Variants in AP3B1 observed in about 807,000 individuals in gnomAD.
The protein encoded by AP3B1 is adaptor related protein complex 3 subunit beta 1.
In AP3B1, 61 loss-of-function variants were observed where a neutral mutation model predicts 132.5. The observed-to-expected ratio is 0.46, with a 90% confidence interval of 0.37 to 0.57. AP3B1 has a LOEUF of 0.57. Among genes scored for constraint, AP3B1 ranks in the 20% least tolerant of loss-of-function variants. AP3B1 has a pLI of 0.00. For synonymous variants in AP3B1, 388 were observed against 438.3 expected (o/e 0.89, Z 1.43); for missense variants, 1,120 against 1,289.4 (o/e 0.87, Z 2.01).
chr5:78,110,087 T>A (rs897103497), intron 20 of AP3B1, 120 bp downstream of exon 20: 2 of 896,546 alleles, frequency 2.2e-6, no homozygotes, highest in Non-Finnish European at 3.4e-6. Flanking sequence ...AGAGTTGGGT[T>A]ATAAGGGAAA....
chr5:78,275,872 T>G (rs1748752353), intron 1 of AP3B1, among the ~76,000 whole-genome samples: 1 of 152,130 alleles, frequency 6.6e-6, no homozygotes, highest in Admixed American at 6.5e-5. Context: ...TTAAACAACT[T>G]AAACTTACAA....
chr5:78,171,457 T>C (rs1743910915), intron 11 of AP3B1, among the ~76,000 whole-genome samples: 1 of 152,172 alleles, frequency 6.6e-6, no homozygotes, highest in Non-Finnish European at 1.5e-5. Flanking sequence ...TTACATCCCT[T>C]GTAAGTTGGA....
chr5:78,279,952 C>A (rs1748980637), intron 1 of AP3B1, among the ~76,000 whole-genome samples: 1 of 128,812 alleles, frequency 7.8e-6, no homozygotes, highest in South Asian at 2.5e-4. Flanking sequence ...GTGGTGTACA[C>A]CTGTGGGCCC....
chr5:78,128,232 G>T, intron 16 of AP3B1, 72 bp from the exon 17 acceptor site: 2 of 1,353,342 alleles, frequency 1.5e-6, no homozygotes, highest in East Asian at 2.6e-5. Context: ...CATAATCAGA[G>T]CTCAAGGTAA....
At chr5:78,234,456 T>A (rs184403310) in intron 3 of AP3B1, among the ~76,000 whole-genome samples, 45 of 152,324 alleles carry the variant, frequency 3.0e-4, no homozygotes, top group African/African-American at 1.1e-3. Context: ...TGAGGATAGA[T>A]GACTTTTTCC....
chr5:78,245,972 G>C (rs987241930), intron 2 of AP3B1, among the ~76,000 whole-genome samples: 1 of 152,186 alleles, frequency 6.6e-6, no homozygotes, highest in Non-Finnish European at 1.5e-5. Context: ...AAAAGTGAGA[G>C]TCATGTTTAG....
chr5:78,060,610 A>G (rs1237501202), intron 22 of AP3B1, among the ~76,000 whole-genome samples: 1 of 152,164 alleles, frequency 6.6e-6, no homozygotes, highest in African/African-American at 2.4e-5. Context: ...CTCATACGCT[A>G]CTGAACTCTT....
intron 3 of AP3B1, among the ~76,000 whole-genome samples, chr5:78,229,511 T>C (rs936685426): frequency 1.3e-5 from 2 of 151,330 alleles, no homozygotes; most frequent in Non-Finnish European, 2.9e-5. Flanking sequence ...GGCAGGCAGA[T>C]TGCCTGAGTT....
At chr5:78,029,626 C>G (rs539467531) in intron 24 of AP3B1, among the ~76,000 whole-genome samples, 29 of 152,274 alleles carry the variant, frequency 1.9e-4, no homozygotes, top group African/African-American at 6.3e-4. Context: ...TCCTCTTCCT[C>G]TTGGTTAAAC....
intron 22 of AP3B1, among the ~76,000 whole-genome samples, chr5:78,040,926 A>G (rs1467161870): frequency 6.6e-6 from 1 of 152,194 alleles, no homozygotes; most frequent in Non-Finnish European, 1.5e-5. Flanking sequence ...AGCATCATCA[A>G]AACATAGTAT....
chr5:78,060,824 A>G (rs1749017875), intron 22 of AP3B1, among the ~76,000 whole-genome samples: 1 of 152,198 alleles, frequency 6.6e-6, no homozygotes, highest in Non-Finnish European at 1.5e-5. Context: ...GTTTTACTAG[A>G]AAGCAAAAGA....
At chr5:78,192,545 G>A (rs1259981584) in intron 7 of AP3B1, among the ~76,000 whole-genome samples, 1 of 152,156 alleles carries the variant, frequency 6.6e-6, no homozygotes, top group Non-Finnish European at 1.5e-5. Flanking sequence ...CAGAGGCTGA[G>A]GTAGAAGAAT....
rs201552197 is a variant in AP3B1 at position 78,195,082 on chromosome 5, A to T, written c.787-13420T>A. The stretch of plus-strand genomic sequence containing the variant: ...ACCAAACCAAAAAAAAAAAAAATTT[A>T]AAAAAATGGGGACCAATTTATACTG... On this transcript the variant is annotated intron_variant, in intron 7 of 26. Coordinates refer to ENST00000255194, the MANE Select transcript of AP3B1 (RefSeq NM_003664.5). Among the ~76,000 whole-genome samples, 14 of 151,742 alleles carry T rather than the reference A, an allele frequency of 9.2e-5. No homozygotes were observed. The South Asian group carries it at 1.0e-3, about 11-fold the overall frequency.
intron 11 of AP3B1, among the ~76,000 whole-genome samples, chr5:78,168,013 G>GAAAAAA (rs149936824): frequency 6.3e-5 from 7 of 110,784 alleles, no homozygotes; most frequent in Admixed American, 9.0e-5. Context: ...AAAACCTACT[G>GAAAAAA]AAAAAAAAAA....
At position 78,114,149 on chromosome 5, in the gene AP3B1, G is replaced by A. The variant is rs79343357; in HGVS notation, c.2078-226C>T. On this transcript the variant is annotated intron_variant, in intron 18 of 26. Coordinates refer to ENST00000255194, the MANE Select transcript of AP3B1 (RefSeq NM_003664.5). ...AGACAGAGGATGCTCTGACAACGAG[G>A]AGAGAAAAGCTAAGCAAAGGTGAAC... 1.2e-3 allele frequency among the ~76,000 whole-genome samples: 179 copies of A among 152,290 alleles called. 1 individual carries two copies. Among genetic ancestry groups the A allele is most frequent in the African/African-American group, 4.1e-3 (171 of 41,550 alleles).
At chr5:78,097,775 G>T (rs1378623215) in intron 21 of AP3B1, among the ~76,000 whole-genome samples, 1 of 152,144 alleles carries the variant, frequency 6.6e-6, no homozygotes, top group Non-Finnish European at 1.5e-5. Context: ...CGTCTGGGAG[G>T]TGTGCCCAAC....
intron 23 of AP3B1, among the ~76,000 whole-genome samples, chr5:78,038,629 T>C (rs1747909564): frequency 6.6e-6 from 1 of 152,166 alleles, no homozygotes; most frequent in African/African-American, 2.4e-5. Context: ...CAGGAAAGGA[T>C]CTCGAGATAC....
chr5:78,282,893 C>T (rs947175704), intron 1 of AP3B1, among the ~76,000 whole-genome samples: 2 of 150,724 alleles, frequency 1.3e-5, no homozygotes, highest in Non-Finnish European at 2.9e-5. Context: ...TACATGTCTG[C>T]AGTCCCAGCT....
rs1317412509 is a variant in AP3B1, at chr5:78,090,515, CT to C, written c.2471-1017del. Among the ~76,000 whole-genome samples, 5 of 152,336 alleles carry C rather than the reference CT, an allele frequency of 3.3e-5. No individual in the cohort carries two copies. The East Asian group carries it at 9.6e-4, about 29-fold the overall frequency. ...TGCAACTTCGATCTGGCAAGCTACC[CT>C]TTAAAAGGAAAACACTCTCTGGCTC... On this transcript the variant is annotated intron_variant, in intron 21 of 26. Coordinates refer to ENST00000255194, the MANE Select transcript of AP3B1 (RefSeq NM_003664.5).
Sources: gnomAD v4.1 joint callset for allele counts (sites outside exome capture counted in the v4.1 genomes callset) on GRCh38, gnomAD v4.1.1 for gene constraint, MANE v1.5 for transcripts, NCBI Gene and HGNC (gene_info 2026-07-23, HGNC 2026-07-21) for gene names.